Variants in RALYL observed in about 807,000 individuals in gnomAD.
The protein encoded by RALYL is RNA-binding Raly-like protein.
RALYL carries 29 observed loss-of-function variants against 35.1 expected under a neutral mutation model. That is an observed-to-expected ratio of 0.83 (90% CI 0.61 to 1.13). The LOEUF (loss-of-function observed/expected upper bound fraction) is 1.13. Ranked by LOEUF, RALYL falls within the 50% of genes most tolerant of loss-of-function variation. The probability of loss-of-function intolerance (pLI) is 0.00; values close to 1 mark genes in which losing one functional copy is unlikely to be tolerated. For synonymous variants in RALYL, 120 were observed against 127.6 expected, an observed-to-expected ratio of 0.94 and a Z score of 0.40; for missense variants, 359 against 360.4, an observed-to-expected ratio of 1.00 and a Z score of 0.03.
chr8:84,476,720 T>C (rs1273997231), intron 1 of RALYL, among the ~76,000 whole-genome samples: 1 of 152,198 alleles, frequency 6.6e-6, no homozygotes, highest in Non-Finnish European at 1.5e-5. Flanking sequence ...TTTATTATGC[T>C]CTCCCAGGCT....
intron 8 of RALYL, among the ~76,000 whole-genome samples, chr8:84,889,001 C>T (rs767472415): frequency 3.3e-5 from 5 of 152,290 alleles, no homozygotes; most frequent in African/African-American, 7.2e-5. Flanking sequence ...CTGCCCACCT[C>T]GGCCTCCCAA....
chr8:84,497,375 A>G (rs1164230579), intron 1 of RALYL, among the ~76,000 whole-genome samples: 1 of 152,142 alleles, frequency 6.6e-6, no homozygotes. Context: ...ATGAGTAACT[A>G]TGGTTTATTT....
intron 2 of RALYL, among the ~76,000 whole-genome samples, chr8:84,655,349 G>A (rs899500981): frequency 4.0e-5 from 6 of 151,016 alleles, no homozygotes; most frequent in African/African-American, 1.2e-4. Flanking sequence ...GTTTTTTTGA[G>A]TCAGAGTCTC....
intron 1 of RALYL, among the ~76,000 whole-genome samples, chr8:84,263,292 C>A (rs776929853): frequency 6.6e-6 from 1 of 152,130 alleles, no homozygotes; most frequent in African/African-American, 2.4e-5. Context: ...AACCATAGAA[C>A]AGTTGTCTGT....
intron 8 of RALYL, among the ~76,000 whole-genome samples, chr8:84,894,938 C>G (rs1472973271): frequency 6.6e-6 from 1 of 152,180 alleles, no homozygotes; most frequent in Non-Finnish European, 1.5e-5. Context: ...TGACTTTGAG[C>G]AAGCCACTTA....
chr8:84,729,856 G>A (rs1233316320), intron 2 of RALYL, among the ~76,000 whole-genome samples: 1 of 152,094 alleles, frequency 6.6e-6, no homozygotes, highest in Admixed American at 6.6e-5. Context: ...TCTCTGAATA[G>A]ACCAATAACA....
At chr8:84,321,486 A>G (rs1182362487) in intron 1 of RALYL, among the ~76,000 whole-genome samples, 1 of 152,104 alleles carries the variant, frequency 6.6e-6, no homozygotes, top group African/African-American at 2.4e-5. Context: ...GGAATAACAC[A>G]AAAGTGAGAA....
At chr8:84,875,197 C>T (rs1449250039) in intron 7 of RALYL, among the ~76,000 whole-genome samples, 1 of 152,012 alleles carries the variant, frequency 6.6e-6, no homozygotes, top group Non-Finnish European at 1.5e-5. Context: ...CAATATTTCC[C>T]TTTGAGGAAC....
chr8:84,766,594 C>T (rs1450989582), intron 2 of RALYL, among the ~76,000 whole-genome samples: 1 of 149,982 alleles, frequency 6.7e-6, no homozygotes, highest in Non-Finnish European at 1.5e-5. Flanking sequence ...CATGGTGGCA[C>T]ACGCCTGTAA....
Position 84,291,837 on chromosome 8 carries a change from T to C in RALYL, c.-24+107413T>C, listed in dbSNP as rs1838823613. On this transcript the variant is annotated intron_variant, in intron 1 of 8. Transcript: ENST00000521268. ...ATAAATAGTGGTTTCTGATAAACTG[T>C]TAGTGAAGAGAAGATATCTCACATT... Among the ~76,000 whole-genome samples the C allele has an allele frequency of 2.0e-5, 3 of 151,316 alleles. No homozygotes were observed. The Admixed American group carries it at 2.0e-4, about 10-fold the overall frequency.
intron 1 of RALYL, among the ~76,000 whole-genome samples, chr8:84,390,601 T>A (rs1235008515): frequency 6.6e-6 from 1 of 152,140 alleles, no homozygotes; most frequent in African/African-American, 2.4e-5. Flanking sequence ...ATTTATCCAT[T>A]TCTTCTAGAT....
intron 1 of RALYL, among the ~76,000 whole-genome samples, chr8:84,205,265 A>G (rs752795900): frequency 6.6e-6 from 1 of 152,212 alleles, no homozygotes; most frequent in Non-Finnish European, 1.5e-5. Context: ...CCAGTCAGCT[A>G]AAGAGAAAAA....
At chr8:84,886,914 C>T (rs1469137343) in intron 7 of RALYL, among the ~76,000 whole-genome samples, 1 of 152,120 alleles carries the variant, frequency 6.6e-6, no homozygotes, top group Non-Finnish European at 1.5e-5. Flanking sequence ...AACTGAGACA[C>T]ATGGAGGGTT....
intron 1 of RALYL, among the ~76,000 whole-genome samples, chr8:84,452,529 G>A: frequency 6.6e-6 from 1 of 151,792 alleles, no homozygotes; most frequent in East Asian, 1.9e-4. Flanking sequence ...AAAAAATAAA[G>A]TAAGCACTGG....
At chr8:84,642,089 CAG>C (rs1462819394) in intron 2 of RALYL, among the ~76,000 whole-genome samples, 1 of 151,876 alleles carries the variant, frequency 6.6e-6, no homozygotes, top group Non-Finnish European at 1.5e-5. Context: ...AAATATGAAA[CAG>C]AACATAATAC....
chr8:84,802,604 A>AG (rs1554595609), intron 3 of RALYL, among the ~76,000 whole-genome samples: 5 of 152,100 alleles, frequency 3.3e-5, no homozygotes, highest in Non-Finnish European at 7.4e-5. Context: ...TTCAAAAAAA[A>AG]AGAGAGAGAG....
At chr8:84,255,492 A>G (rs1249562543) in intron 1 of RALYL, among the ~76,000 whole-genome samples, 2 of 152,144 alleles carry the variant, frequency 1.3e-5, no homozygotes, top group Non-Finnish European at 2.9e-5. Flanking sequence ...ATTCAAAAGA[A>G]CCTGTTTTAA....
intron 4 of RALYL, among the ~76,000 whole-genome samples, chr8:84,816,815 C>T (rs777499166): frequency 1.6e-4 from 25 of 151,890 alleles, no homozygotes; most frequent in African/African-American, 5.1e-4. Context: ...GAATGGATAC[C>T]GCATTCTCCC....
chr8:84,757,344 T>A (rs1370996983), intron 2 of RALYL, among the ~76,000 whole-genome samples: 1 of 152,120 alleles, frequency 6.6e-6, no homozygotes, highest in Admixed American at 6.6e-5. Flanking sequence ...ACAGAGAAAA[T>A]AATAATGGAG....
Sources: gnomAD v4.1 joint callset for allele counts (sites outside exome capture counted in the v4.1 genomes callset) on GRCh38, gnomAD v4.1.1 for gene constraint, MANE v1.5 for transcripts, NCBI Gene and HGNC (gene_info 2026-07-23, HGNC 2026-07-21) for gene names.